The following LRRC7 variants were observed in gnomAD, a reference collection of about 807,000 sequenced individuals.
The protein encoded by LRRC7 is leucine rich repeat containing 7, also known as leucine-rich repeat-containing protein 7.
In LRRC7, 23 loss-of-function variants were observed where a neutral mutation model predicts 175.7. The ratio of observed to expected loss-of-function variants is 0.13; its 90% CI spans 0.09 to 0.19. The LOEUF (loss-of-function observed/expected upper bound fraction) is 0.19. Ranked by LOEUF, LRRC7 falls within the 10% of genes least tolerant of loss-of-function variation. The probability of loss-of-function intolerance (pLI) is 1.00; values close to 1 mark genes in which losing one functional copy is unlikely to be tolerated. For missense variants in LRRC7, 1,354 were observed against 1,904.7 expected (o/e 0.71, Z 5.38); for synonymous variants, 685 against 680.9 (o/e 1.01, Z -0.09).
At chr1:69,718,132 AAGAAAG>A (rs1665880508) in intron 2 of LRRC7, among the ~76,000 whole-genome samples, 2 of 54,776 alleles carry the variant, frequency 3.7e-5, no homozygotes, top group Non-Finnish European at 3.2e-5. Flanking sequence ...AAAGAAAAGA[AAGAAAG>A]AGAGAGAAAG....
chr1:69,882,759 C>A (rs1442757043), intron 7 of LRRC7, among the ~76,000 whole-genome samples: 3 of 124,390 alleles, frequency 2.4e-5, no homozygotes, highest in East Asian at 5.6e-4. Flanking sequence ...TGCTATCCCT[C>A]CCCCGCCCCC....
chr1:69,954,403 A>C (rs1650278153), intron 8 of LRRC7, among the ~76,000 whole-genome samples: 1 of 152,032 alleles, frequency 6.6e-6, no homozygotes, highest in Non-Finnish European at 1.5e-5. Flanking sequence ...AAAAGCAAAA[A>C]TAAGTGATTT....
chr1:69,904,707 G>A (rs899316461), intron 7 of LRRC7, among the ~76,000 whole-genome samples: 91 of 152,072 alleles, frequency 6.0e-4, no homozygotes, highest in African/African-American at 2.1e-3. Context: ...GGGTACATGT[G>A]CAGGTTTGTT....
At chr1:69,949,073 GA>G (rs1340978909) in intron 8 of LRRC7, among the ~76,000 whole-genome samples, 3 of 151,770 alleles carry the variant, frequency 2.0e-5, no homozygotes, top group African/African-American at 7.3e-5. Flanking sequence ...TTCAAGTCTG[GA>G]GATTTTGTTT....
intron 2 of LRRC7, 80 bp downstream of exon 2, chr1:69,678,558 A>T: frequency 1.1e-6 from 1 of 931,672 alleles, no homozygotes; most frequent in Non-Finnish European, 1.7e-6. Flanking sequence ...AGTGACCTTT[A>T]AATGGTTAGT....
At chr1:69,699,875 C>T (rs950167266) in intron 2 of LRRC7, among the ~76,000 whole-genome samples, 7 of 152,174 alleles carry the variant, frequency 4.6e-5, no homozygotes, top group Non-Finnish European at 8.8e-5. Context: ...AAGTGTGAGC[C>T]AAGCACCAGT....
At chr1:69,925,898 G>A (rs1647056456) in intron 7 of LRRC7, among the ~76,000 whole-genome samples, 2 of 140,332 alleles carry the variant, frequency 1.4e-5, no homozygotes, top group African/African-American at 5.0e-5. Flanking sequence ...ATGTTAGGGT[G>A]TCAATTTTGG....
intron 8 of LRRC7, among the ~76,000 whole-genome samples, chr1:69,953,417 G>T (rs929363424): frequency 2.0e-5 from 3 of 151,912 alleles, no homozygotes; most frequent in African/African-American, 7.3e-5. Flanking sequence ...AAAGAGATCT[G>T]TACTGCACCC....
intron 3 of LRRC7, among the ~76,000 whole-genome samples, chr1:69,781,139 CT>C (rs1466495776): frequency 1.3e-5 from 2 of 152,078 alleles, no homozygotes; most frequent in Non-Finnish European, 2.9e-5. Flanking sequence ...TTATTTGGCA[CT>C]TTGCTAACCC....
intron 8 of LRRC7, among the ~76,000 whole-genome samples, chr1:69,945,454 T>C (rs909206333): frequency 7.2e-5 from 11 of 152,146 alleles, no homozygotes; most frequent in African/African-American, 2.4e-4. Flanking sequence ...CTAGCTTTGT[T>C]CTTTTTGCTC....
intron 11 of LRRC7, among the ~76,000 whole-genome samples, chr1:70,001,341 TA>T (rs1213541249): frequency 2.0e-5 from 3 of 152,104 alleles, no homozygotes; most frequent in Admixed American, 2.0e-4. Flanking sequence ...GATTCAGAGT[TA>T]AAATACAAAA....
At chr1:69,602,690 G>T (rs775814822) in intron 1 of LRRC7, among the ~76,000 whole-genome samples, 3 of 152,110 alleles carry the variant, frequency 2.0e-5, no homozygotes, top group Non-Finnish European at 4.4e-5. Flanking sequence ...GAAGCTCCGA[G>T]AATCAATCTG....
chr1:69,664,434 G>A (rs148781733), intron 1 of LRRC7, among the ~76,000 whole-genome samples: 2 of 152,208 alleles, frequency 1.3e-5, no homozygotes, highest in East Asian at 3.9e-4. Flanking sequence ...AGCTGTGTAC[G>A]AGGACTCCCA....
chr1:69,750,055 G>A (rs533414948), intron 2 of LRRC7, among the ~76,000 whole-genome samples: 8 of 60,542 alleles, frequency 1.3e-4, no homozygotes, highest in African/African-American at 4.8e-4. Context: ...GCAAGACTAT[G>A]TCTCAAAAAT....
chr1:70,112,861 G>C (rs1202816927), intron 26 of LRRC7, among the ~76,000 whole-genome samples: 1 of 152,150 alleles, frequency 6.6e-6, no homozygotes, highest in Non-Finnish European at 1.5e-5. Flanking sequence ...AGGAGCAGGG[G>C]TAAGAGGTTT....
intron 7 of LRRC7, among the ~76,000 whole-genome samples, chr1:69,879,083 A>G (rs568096657): frequency 1.3e-5 from 2 of 150,546 alleles, no homozygotes; most frequent in South Asian, 4.2e-4. Flanking sequence ...GTAGTTTATC[A>G]GTTGAAACAA....
intron 11 of LRRC7, among the ~76,000 whole-genome samples, chr1:70,002,306 A>AG (rs528397086): frequency 2.2e-4 from 33 of 152,338 alleles, no homozygotes; most frequent in African/African-American, 7.5e-4. Flanking sequence ...AGAATCCTGA[A>AG]GGGTAATACA....
chr1:69,874,963 A>C (rs1383620833), intron 7 of LRRC7: 2 of 152,042 alleles, frequency 1.3e-5, no homozygotes, highest in African/African-American at 2.4e-5. Flanking sequence ...AAAAATTAAA[A>C]GGTATATTGC....
rs76447695 is a variant in LRRC7 at position 69,601,179 on chromosome 1, C to A, written c.2+32538C>A. ...GATCAGGACACTAGGTGTACTATTG[C>A]GGTAAGAGTGTCATTGCTTCCAGGC... On this transcript the variant is annotated intron_variant, in intron 1 of 26. Coordinates refer to ENST00000651989, the MANE Select transcript of LRRC7 (RefSeq NM_001370785.2). Among the ~76,000 whole-genome samples, 1,395 of 152,150 alleles carry A rather than the reference C, an allele frequency of 9.2e-3. 22 individuals are homozygous for A. The highest frequency in any genetic ancestry group is 0.012 in the Non-Finnish European group (821 of 68,018).
Sources: allele counts gnomAD v4.1 joint callset (sites outside exome capture counted in the v4.1 genomes callset), GRCh38; gene constraint gnomAD v4.1.1; transcripts MANE v1.5; gene names NCBI Gene and HGNC (gene_info 2026-07-23, HGNC 2026-07-21).